CYP7B1: variants seen among roughly 807,000 people sequenced by gnomAD.
The protein encoded by CYP7B1 is cytochrome P450 7B1.
CYP7B1 carries 29 observed loss-of-function variants against 42.7 expected under a neutral mutation model. The ratio of observed to expected loss-of-function variants is 0.68; its 90% CI spans 0.51 to 0.93. The LOEUF is 0.93. CYP7B1 is among the 40% of genes least tolerant of loss of function. The pLI is 0.00. For missense variants in CYP7B1, 655 were observed against 600.5 expected, an observed-to-expected ratio of 1.09 and a Z score of -0.95; for synonymous variants, 235 against 218.2, an observed-to-expected ratio of 1.08 and a Z score of -0.68.
In CYP7B1 at chr8:64,668,811, A is replaced by G. The variant is rs920798478; in HGVS notation, c.123-44272T>C. 2.6e-5 allele frequency among the ~76,000 whole-genome samples: 4 copies of G among 152,142 alleles called. No individual in the cohort carries two copies. In the South Asian group the frequency reaches 8.3e-4, roughly 32 times the overall value. ...AATTTAAATCAAGGGGAGAATGATAATGATTGCATTTATAAATTAAAATTA... is the reference window on the plus strand; with the variant it reads ...AATTTAAATCAAGGGGAGAATGATAGTGATTGCATTTATAAATTAAAATTA... On this transcript the variant is annotated intron_variant, in intron 1 of 5. Transcript: ENST00000310193.
At chr8:64,606,169 G>T (rs1477567341) in intron 4 of CYP7B1, among the ~76,000 whole-genome samples, 1 of 152,142 alleles carries the variant, frequency 6.6e-6, no homozygotes, top group African/African-American at 2.4e-5. Context: ...TATTCTCTTG[G>T]ACTGCCTTCG....
At chr8:64,642,962 C>A (rs1334245254) in intron 1 of CYP7B1, among the ~76,000 whole-genome samples, 1 of 151,748 alleles carries the variant, frequency 6.6e-6, no homozygotes, top group African/African-American at 2.4e-5. Flanking sequence ...TCCTGAAAAT[C>A]TGCCACCTTA....
At chr8:64,685,353 G>A (rs1381333179) in intron 1 of CYP7B1, among the ~76,000 whole-genome samples, 2 of 127,668 alleles carry the variant, frequency 1.6e-5, no homozygotes, top group African/African-American at 6.0e-5. Flanking sequence ...GAGCCCCTCT[G>A]CCTGGCTGCC....
intron 1 of CYP7B1, among the ~76,000 whole-genome samples, chr8:64,731,814 C>T (rs1470012818): frequency 6.6e-6 from 1 of 152,190 alleles, no homozygotes; most frequent in Non-Finnish European, 1.5e-5. Context: ...TGCTTCAGCT[C>T]CAGCTGCTAA....
At chr8:64,796,945 A>G (rs1472989082) in intron 1 of CYP7B1, among the ~76,000 whole-genome samples, 2 of 152,230 alleles carry the variant, frequency 1.3e-5, no homozygotes, top group African/African-American at 4.8e-5. Flanking sequence ...AACATTAGAA[A>G]TAAGGAACAT....
rs1268879606 is a variant in CYP7B1 at position 64,592,111 on chromosome 8, C to G, written c.*4531G>C. 6.6e-6 allele frequency among the ~76,000 whole-genome samples: 1 copy of G among 151,798 alleles called. No individual in the cohort carries two copies. Among genetic ancestry groups the G allele is most frequent in the East Asian group, 1.9e-4 (1 of 5,172 alleles). On this transcript the variant is annotated 3_prime_UTR_variant, in exon 6 of 6. Coordinates refer to ENST00000310193, the MANE Select transcript of CYP7B1 (RefSeq NM_004820.5). ...GCTGAGACAAGGGAATTGCTTGAAC[C>G]CAGGAAGTGGAGGTTGCAGTGAGCT... is the stretch of plus-strand genomic sequence containing the variant.
At chr8:64,683,577 C>T (rs1806572477) in intron 1 of CYP7B1, among the ~76,000 whole-genome samples, 1 of 151,992 alleles carries the variant, frequency 6.6e-6, no homozygotes, top group South Asian at 2.1e-4. Context: ...TTTAAAATAA[C>T]TAAAAAGAGT....
rs1488582967 is a variant in CYP7B1, at chr8:64,594,967, C to G, written c.*1675G>C. ...TGCAAGCATGAGAAACAGAAAGAAA[C>G]TAAGAACATCAAAGACAAAGAGGAC... On this transcript the variant is annotated 3_prime_UTR_variant, in exon 6 of 6. Transcript: ENST00000310193. Among the ~76,000 whole-genome samples, 2 of 152,122 alleles carry G rather than the reference C, an allele frequency of 1.3e-5. No homozygotes were observed. Among genetic ancestry groups the G allele is most frequent in the African/African-American group, 4.8e-5 (2 of 41,428 alleles).
At position 64,663,544 on chromosome 8, in the gene CYP7B1, C is replaced by T. The variant is rs1806230899; in HGVS notation, c.123-39005G>A. Among the ~76,000 whole-genome samples, 3 of 152,196 alleles carry T rather than the reference C, an allele frequency of 2.0e-5. No homozygotes were observed. In the South Asian group the frequency reaches 6.2e-4, roughly 31 times the overall value. ...GACAGGGCCTCCTTGATTTAACTAT[C>T]ATTTTCTAAAAGATGCATAAAATAG... On this transcript the variant is annotated intron_variant, in intron 1 of 5. Coordinates refer to ENST00000310193, the MANE Select transcript of CYP7B1 (RefSeq NM_004820.5).
chr8:64,772,773 C>A (rs1804258164), intron 1 of CYP7B1, among the ~76,000 whole-genome samples: 1 of 152,172 alleles, frequency 6.6e-6, no homozygotes, highest in South Asian at 2.1e-4. Context: ...AAAAATCAAG[C>A]CTCACAATGG....
intron 4 of CYP7B1, among the ~76,000 whole-genome samples, chr8:64,608,010 T>C (rs1401664261): frequency 1.9e-4 from 29 of 152,220 alleles, no homozygotes; most frequent in Admixed American, 1.9e-3. Context: ...CAGTATATGC[T>C]AGGAAATTGG....
At chr8:64,628,210 T>C (rs1202317987) in intron 1 of CYP7B1, among the ~76,000 whole-genome samples, 1 of 152,182 alleles carries the variant, frequency 6.6e-6, no homozygotes, top group Non-Finnish European at 1.5e-5. Context: ...TCACACAAAT[T>C]TGAGCTTATA....
chr8:64,624,575 A>T, intron 1 of CYP7B1, 36 bp from the exon 2 acceptor site: 2 of 1,609,392 alleles, frequency 1.2e-6, no homozygotes, highest in Non-Finnish European at 1.7e-6. Flanking sequence ...AGAACAAAAG[A>T]AAAATCAAAT....
intron 1 of CYP7B1, among the ~76,000 whole-genome samples, chr8:64,726,184 A>G (rs1183555649): frequency 6.6e-6 from 1 of 152,136 alleles, no homozygotes; most frequent in African/African-American, 2.4e-5. Context: ...TTTAAAAAAA[A>G]ATGCCCTCAA....
chr8:64,638,315 G>A (rs1805804147), intron 1 of CYP7B1, among the ~76,000 whole-genome samples: 1 of 152,000 alleles, frequency 6.6e-6, no homozygotes, highest in Non-Finnish European at 1.5e-5. Context: ...CTTCCATGGT[G>A]GCTGGAAGGG....
chr8:64,589,820 T>C (rs1198276622), downstream of CYP7B1: 2 of 152,208 alleles, frequency 1.3e-5, no homozygotes, highest in Non-Finnish European at 2.9e-5. Flanking sequence ...TCCATTCCTC[T>C]AGTTTCTCCT....
intron 1 of CYP7B1, among the ~76,000 whole-genome samples, chr8:64,692,388 G>C (rs1333768733): frequency 6.6e-6 from 1 of 152,202 alleles, no homozygotes; most frequent in Non-Finnish European, 1.5e-5. Flanking sequence ...ACTCCAAGCT[G>C]TTGAAGCAGA....
At chr8:64,639,451 C>A (rs1805822058) in intron 1 of CYP7B1, among the ~76,000 whole-genome samples, 1 of 151,844 alleles carries the variant, frequency 6.6e-6, no homozygotes. Flanking sequence ...AAAAAATGGG[C>A]AAGAGGTTTG....
intron 1 of CYP7B1, among the ~76,000 whole-genome samples, chr8:64,797,837 C>T (rs1804728196): frequency 6.6e-6 from 1 of 152,228 alleles, no homozygotes. Flanking sequence ...ATTTCTACTT[C>T]CACAATTCAA....
Sources: allele counts gnomAD v4.1 joint callset (sites outside exome capture counted in the v4.1 genomes callset), GRCh38; gene constraint gnomAD v4.1.1; transcripts MANE v1.5; gene names NCBI Gene and HGNC (gene_info 2026-07-23, HGNC 2026-07-21).